NCKAP5: variants seen among roughly 807,000 people sequenced by gnomAD.
The protein encoded by NCKAP5 is nck-associated protein 5.
NCKAP5 carries 92 observed loss-of-function variants against 167.0 expected under a neutral mutation model. That is an observed-to-expected ratio of 0.55 (90% CI 0.47 to 0.66). The LOEUF (loss-of-function observed/expected upper bound fraction) is 0.66, where lower values mean the gene tolerates loss of function less well. NCKAP5 is among the 30% of genes least tolerant of loss of function. The probability of loss-of-function intolerance (pLI) is 0.00; values close to 1 mark genes in which losing one functional copy is unlikely to be tolerated. For synonymous variants in NCKAP5, 891 were observed against 877.4 expected (o/e 1.02, Z -0.27); for missense variants, 2,378 against 2,315.0 (o/e 1.03, Z -0.56).
At chr2:132,761,571 A>G (rs1317490217) in intron 16 of NCKAP5, among the ~76,000 whole-genome samples, 1 of 152,222 alleles carries the variant, frequency 6.6e-6, no homozygotes, top group Non-Finnish European at 1.5e-5. Flanking sequence ...ATTATATCCT[A>G]TACTTTAGTA....
chr2:133,280,776 C>A (rs74427736), intron 4 of NCKAP5, among the ~76,000 whole-genome samples: 4 of 152,136 alleles, frequency 2.6e-5, no homozygotes, highest in Non-Finnish European at 5.9e-5. Context: ...AATAGTTATA[C>A]CTGTTCACTT....
intron 3 of NCKAP5, among the ~76,000 whole-genome samples, chr2:133,465,540 G>T (rs919407966): frequency 6.6e-6 from 1 of 151,978 alleles, no homozygotes; most frequent in Admixed American, 6.6e-5. Flanking sequence ...GGGATGGCTG[G>T]GTCAAATGGT....
At chr2:132,674,778 T>C (rs11885082) in intron 19 of NCKAP5, among the ~76,000 whole-genome samples, 7,708 of 152,228 alleles carry the variant, frequency 0.051, 626 homozygotes, top group African/African-American at 0.17. Context: ...TATAATTCTA[T>C]GGGAATATTT....
intron 4 of NCKAP5, among the ~76,000 whole-genome samples, chr2:133,239,746 T>C (rs2087593656): frequency 6.6e-6 from 1 of 152,202 alleles, no homozygotes; most frequent in African/African-American, 2.4e-5. Flanking sequence ...AACACTGCTT[T>C]GCCAACATTT....
chr2:133,111,599 C>T (rs2081914735), intron 6 of NCKAP5, among the ~76,000 whole-genome samples: 1 of 152,170 alleles, frequency 6.6e-6, no homozygotes, highest in Admixed American at 6.5e-5. Flanking sequence ...CACCCATGAC[C>T]ATCACCTCTC....
intron 2 of NCKAP5, among the ~76,000 whole-genome samples, chr2:133,528,897 G>A (rs756391865): frequency 5.3e-5 from 8 of 152,126 alleles, no homozygotes; most frequent in African/African-American, 9.7e-5. Context: ...ATTGTCTTTC[G>A]GAAGAGCCCC....
intron 6 of NCKAP5, among the ~76,000 whole-genome samples, chr2:133,012,276 C>A (rs971781362): frequency 1.3e-5 from 2 of 152,156 alleles, no homozygotes; most frequent in African/African-American, 4.8e-5. Context: ...GAGACAGAGT[C>A]TTGCTCTGTC....
chr2:133,324,011 C>A (rs1448127133), intron 3 of NCKAP5, among the ~76,000 whole-genome samples: 2 of 152,202 alleles, frequency 1.3e-5, no homozygotes, highest in Non-Finnish European at 2.9e-5. Context: ...AGACTCTGAG[C>A]TCCAGACAGA....
At chr2:133,595,191 G>A in the NCKAP5 span, among the ~76,000 whole-genome samples, 3,667 of 152,230 alleles carry the variant, frequency 0.024, 48 homozygotes, top group African/African-American at 0.037. Context: ...AAGGGACAGT[G>A]TTATGCGCAT....
At chr2:132,732,114 C>T (rs1691080249) in intron 16 of NCKAP5, 63 bp from the exon 17 acceptor site, 2 of 1,442,320 alleles carry the variant, frequency 1.4e-6, no homozygotes. Flanking sequence ...ATAAAAGAAT[C>T]ATGGAAATTG....
At position 133,524,895 on chromosome 2, in the gene NCKAP5, A is replaced by G. The variant is rs140908962; in HGVS notation, c.-61-7308T>C. On this transcript the variant is annotated intron_variant, in intron 2 of 19. Transcript: ENST00000409261. ...TGTGCATGCTTATGTGTATGTGTGT[A>G]TGTGTTGAGTCTGCATCTGTGCATG... 1.7e-4 allele frequency among the ~76,000 whole-genome samples: 26 copies of G among 152,118 alleles called. No homozygotes were observed. In the East Asian group the frequency reaches 3.7e-3, roughly 22 times the overall value.
the NCKAP5 span, among the ~76,000 whole-genome samples, chr2:133,650,931 A>C: frequency 1.3e-5 from 2 of 152,156 alleles, no homozygotes; most frequent in African/African-American, 4.8e-5. Context: ...CAATCTAGAA[A>C]GACCATCTCC....
intron 3 of NCKAP5, among the ~76,000 whole-genome samples, chr2:133,414,548 A>C (rs1688985035): frequency 6.6e-6 from 1 of 152,140 alleles, no homozygotes; most frequent in Non-Finnish European, 1.5e-5. Context: ...ACATTACTCA[A>C]AAAAAAGCAT....
chr2:132,896,614 C>G (rs150184303), intron 8 of NCKAP5, among the ~76,000 whole-genome samples: 69 of 152,294 alleles, frequency 4.5e-4, no homozygotes, highest in African/African-American at 1.6e-3. Context: ...GACTGAGAAG[C>G]TGGCAGCCAC....
intron 5 of NCKAP5, among the ~76,000 whole-genome samples, chr2:133,179,923 C>T (rs1283930922): frequency 6.6e-6 from 1 of 151,210 alleles, no homozygotes; most frequent in Non-Finnish European, 1.5e-5. Flanking sequence ...AAAAAGAATT[C>T]AAAGAAAGAA....
chr2:133,240,847 T>C (rs2087668124), intron 4 of NCKAP5, among the ~76,000 whole-genome samples: 1 of 152,246 alleles, frequency 6.6e-6, no homozygotes, highest in Non-Finnish European at 1.5e-5. Context: ...CTTCTGCCTC[T>C]ATTTTCATTC....
chr2:133,177,171 T>TATATATATATATAC (rs1314797019), intron 5 of NCKAP5, among the ~76,000 whole-genome samples: 1 of 84,502 alleles, frequency 1.2e-5, no homozygotes, highest in Non-Finnish European at 2.1e-5. Context: ...TTTCTATATA[T>TATATATATATATAC]ATATATATAT....
intron 11 of NCKAP5, among the ~76,000 whole-genome samples, chr2:132,843,591 C>CT (rs371545333): frequency 0.025 from 3,714 of 149,634 alleles, 158 homozygotes; most frequent in African/African-American, 0.084. Context: ...GTAAGTTTTT[C>CT]TTTTTTTTTA....
chr2:133,394,479 C>A (rs1310790052), intron 3 of NCKAP5, among the ~76,000 whole-genome samples: 1 of 152,190 alleles, frequency 6.6e-6, no homozygotes, highest in Non-Finnish European at 1.5e-5. Context: ...CTGCAGGCTA[C>A]AAGACCTAGA....
Sources: allele counts gnomAD v4.1 joint callset (sites outside exome capture counted in the v4.1 genomes callset), GRCh38; gene constraint gnomAD v4.1.1; transcripts MANE v1.5; gene names NCBI Gene and HGNC (gene_info 2026-07-23, HGNC 2026-07-21).